PKN3: variants seen among roughly 807,000 people sequenced by gnomAD.
The protein encoded by PKN3 is protein kinase N3, also known as serine/threonine-protein kinase N3.
A neutral mutation model predicts 113.1 loss-of-function variants in PKN3; 91 were observed. That is an observed-to-expected ratio of 0.80 (90% CI 0.68 to 0.96). The LOEUF (loss-of-function observed/expected upper bound fraction) is 0.96. Among genes scored for constraint, PKN3 ranks in the 40% least tolerant of loss-of-function variants. PKN3 has a pLI of 0.00. For synonymous variants in PKN3, 467 were observed against 499.0 expected (o/e 0.94, Z 0.85); for missense variants, 1,052 against 1,202.2 (o/e 0.88, Z 1.85).
At position 128,707,270 on chromosome 9, in the gene PKN3, C is replaced by T; in HGVS notation, c.700C>T (p.Leu234=). The change falls in exon 6 of 22, where the codon CTG becomes TTG. Residue 234 remains leucine, a synonymous_variant. Transcript: ENST00000291906. ...ESSQKLDLLR[L]ALEQLLEQLP... is the part of the protein sequence containing the mutation. ...CTCTCAGAAACTGGACCTCCTGCGCCTGGCCTTGGAGCAGCTGCTGGAGCA... is the reference window on the plus strand; with the variant it reads ...CTCTCAGAAACTGGACCTCCTGCGCTTGGCCTTGGAGCAGCTGCTGGAGCA... The T allele has an allele frequency of 6.2e-7, 1 of 1,613,128 alleles. No homozygotes were observed. The highest frequency in any genetic ancestry group is 8.5e-7 in the Non-Finnish European group (1 of 1,179,336).
In PKN3 at chr9:128,714,905, C is replaced by T. The variant is rs116100342; in HGVS notation, c.1652+40C>T. On this transcript the variant is annotated intron_variant, in intron 13 of 21. Coordinates refer to ENST00000291906, the MANE Select transcript of PKN3 (RefSeq NM_013355.5). The stretch of plus-strand genomic sequence containing the variant: ...GCACCTTCATGTTTGAGACGTTCGT[C>T]TGCTTGCTTGAACATTTGTGTATCC... 849 of 1,576,254 alleles carry T rather than the reference C, an allele frequency of 5.4e-4. 6 individuals are homozygous for T. In the African/African-American group the frequency reaches 0.01, roughly 19 times the overall value.
At position 128,715,315 on chromosome 9, in the gene PKN3, G is replaced by A. The variant is rs1016826012; in HGVS notation, c.1717-54G>A. Reference sequence around the variant, plus strand: ...CCGGGAGGACCTGATCTGTGGGGGCGGTAAAGGCTCCCTGGTCTGGCCCAC... The same window carrying A: ...CCGGGAGGACCTGATCTGTGGGGGCAGTAAAGGCTCCCTGGTCTGGCCCAC... On this transcript the variant is annotated intron_variant, in intron 14 of 21. Coordinates refer to ENST00000291906, the MANE Select transcript of PKN3 (RefSeq NM_013355.5). This position sits in a 1 kb window ranked among gnomAD's most constrained non-coding sequence, Gnocchi z 4.1. 4.4e-5 allele frequency: 70 copies of A among 1,604,098 alleles called. No homozygotes were observed. In the Admixed American group the frequency reaches 6.8e-4, roughly 16 times the overall value.
Position 128,713,557 on chromosome 9 carries a change from C to G in PKN3, c.1151C>G (p.Ala384Gly). The change falls in exon 9 of 22, where the codon GCC (alanine) becomes GGC (glycine). Residue 384 changes from alanine to glycine, a missense_variant. Ala to Gly is a moderately conservative substitution (Grantham distance 60, BLOSUM62 0). Coordinates refer to ENST00000291906, the MANE Select transcript of PKN3 (RefSeq NM_013355.5). ...GACTGGCGGCAGCTATGTGGCGTGG[C>G]CTTCCTGAGACTTGAGGACTTCCTG... ...WRDWRQLCGV[A>G]FLRLEDFLDN... 1.2e-6 allele frequency: 2 copies of G among 1,613,852 alleles called. No individual in the cohort carries two copies. The highest frequency in any genetic ancestry group is 1.7e-6 in the Non-Finnish European group (2 of 1,179,978).
chr9:128,715,407 C>A lies in PKN3; in HGVS notation c.1755C>A (p.Tyr585Ter). 1.2e-6 allele frequency: 2 copies of A among 1,614,044 alleles called. No individual in the cohort carries two copies. Among genetic ancestry groups the A allele is most frequent in the Non-Finnish European group, 8.5e-7 (1 of 1,180,002 alleles). The change falls in exon 15 of 22, where the codon TAC (tyrosine) becomes TAA (stop). Residue 585 changes from tyrosine to a stop codon, truncating the protein, a stop_gained. Coordinates refer to ENST00000291906, the MANE Select transcript of PKN3 (RefSeq NM_013355.5). LOFTEE classifies it high-confidence loss of function. This position sits in a 1 kb window ranked among gnomAD's most constrained non-coding sequence, Gnocchi z 4.1. The part of the protein sequence containing the change: ...LVQFKGTGKY[Y>*]AIKALKKQEV... ...AGTTCAAGGGGACAGGGAAATACTA[C>A]GCCATCAAAGCACTGAAGAAGCAGG...
At position 128,714,384 on chromosome 9, in the gene PKN3, C is replaced by T. The variant is rs770548021; in HGVS notation, c.1481+19C>T. The T allele has an allele frequency of 1.3e-5, 20 of 1,592,044 alleles. No individual in the cohort carries two copies. In the Admixed American group the frequency reaches 3.5e-4, roughly 28 times the overall value. ...CTCCCAGGTGAGGAGCTCCCTTGCC[C>T]TAGACTGCATGCTCCTCTGTGGCGG... On this transcript the variant is annotated intron_variant, in intron 11 of 21. Coordinates refer to ENST00000291906, the MANE Select transcript of PKN3 (RefSeq NM_013355.5).
chr9:128,717,329 T>C (rs1402464589), intron 16 of PKN3, among the ~76,000 whole-genome samples: 2 of 151,012 alleles, frequency 1.3e-5, no homozygotes, highest in East Asian at 2.0e-4. Flanking sequence ...GGTTTCTCCA[T>C]GTTGGTCAGG....
chr9:128,718,191 T>C (rs1019237819), intron 16 of PKN3, 134 bp from the exon 17 acceptor site: 4 of 736,532 alleles, frequency 5.4e-6, no homozygotes, highest in African/African-American at 1.7e-5. Flanking sequence ...GCATGATGCT[T>C]GTCCCAGTCT....
At chr9:128,716,722 C>CTA in intron 15 of PKN3, 25 bp from the exon 16 acceptor site, 1 of 1,606,816 alleles carries the variant, frequency 6.2e-7, no homozygotes, top group Non-Finnish European at 8.5e-7. Context: ...TTCCTTCCCT[C>CTA]TAATACTCTT....
rs60978469 is a variant in PKN3, at chr9:128,713,630, G to A, written c.1224G>A (p.Leu408=). 1.4e-3 allele frequency: 2,185 copies of A among 1,613,628 alleles called. 13 individuals carry two copies. The East Asian group carries it at 0.014, about 10-fold the overall frequency. ...CCCTCAGCCTGGTACCGCAGGGACT[G>A]CTTTTTGCCCAGGTGCTCACCACCT... is the stretch of plus-strand genomic sequence containing the variant. ...QLSLSLVPQG[L]LFAQVTFCDP... is the part of the protein sequence containing the mutation. The change falls in exon 9 of 22, where the codon CTG becomes CTA. Residue 408 remains leucine (L), a synonymous_variant. Transcript: ENST00000291906.
At chr9:128,712,938 G>T in intron 6 of PKN3, 114 bp from the exon 7 acceptor site, 2 of 1,166,760 alleles carry the variant, frequency 1.7e-6, no homozygotes, top group Admixed American at 4.4e-5. Flanking sequence ...GGTGGGTACG[G>T]TCTGGGTTCA....
rs751000614 is a variant in PKN3 at position 128,714,067 on chromosome 9, A to C, written c.1258A>C (p.Ile420Leu). 21 of 1,614,092 alleles carry C rather than the reference A, an allele frequency of 1.3e-5. No homozygotes were observed. The South Asian group carries it at 2.3e-4, about 18-fold the overall frequency. ...FAQVTFCDPV[I>L]ERRPRLQRQE... ...GCAGGTGACCTTCTGCGATCCTGTCATTGAGAGGCGGCCCCGGCTGCAGAG... is the reference window on the plus strand; with the variant it reads ...GCAGGTGACCTTCTGCGATCCTGTCCTTGAGAGGCGGCCCCGGCTGCAGAG... The change falls in exon 10 of 22, where the codon ATT (isoleucine) becomes CTT (leucine). Residue 420 changes from isoleucine to leucine, a missense_variant. Physicochemically the swap from Ile to Leu is conservative, Grantham distance 5. Coordinates refer to ENST00000291906, the MANE Select transcript of PKN3 (RefSeq NM_013355.5).
Position 128,720,455 on chromosome 9 carries a change from G to A in PKN3, c.2519G>A (p.Cys840Tyr), listed in dbSNP as rs1033579987. 5 of 1,613,064 alleles carry A rather than the reference G, an allele frequency of 3.1e-6. No individual in the cohort carries two copies. The African/African-American group carries it at 5.3e-5, about 17-fold the overall frequency. The change falls in exon 22 of 22, where the codon TGT becomes TAT. Residue 840 changes from cysteine to tyrosine, a missense_variant. Physicochemically the swap from Cys to Tyr is radical, Grantham distance 194 (BLOSUM62 -2). Around this residue, in one of 2 missense-constraint regions of PKN3, gnomAD observed 333 missense variants for 442.8 expected, o/e 0.75. Transcript: ENST00000291906. This position sits in a 1 kb window ranked among gnomAD's most constrained non-coding sequence, Gnocchi z 5.5. ...CAGCCCCCCTTCGTGCCTACCCTGTGTGGCCCTGCGGACCTGCGCTACTTT... is the reference window on the plus strand; with the variant it reads ...CAGCCCCCCTTCGTGCCTACCCTGTATGGCCCTGCGGACCTGCGCTACTTT... Reference protein sequence around the residue: ...TIQPPFVPTLCGPADLRYFEG... With the variant: ...TIQPPFVPTLYGPADLRYFEG...
chr9:128,718,745 C>A, intron 18 of PKN3, 120 bp downstream of exon 18: 1 of 881,706 alleles, frequency 1.1e-6, no homozygotes. Context: ...CTGGTTCCAC[C>A]ACCCCAGACC....
intron 1 of PKN3, chr9:128,703,876 G>A (rs1261485252): frequency 9.1e-6 from 9 of 985,352 alleles, no homozygotes; most frequent in Non-Finnish European, 2.4e-6. Flanking sequence ...ATTTCCTGCG[G>A]GGCTCCGCCC....
intron 17 of PKN3, 25 bp downstream of exon 17, chr9:128,718,412 GGGGGTA>G (rs1564377930): frequency 6.9e-6 from 11 of 1,595,682 alleles, no homozygotes; most frequent in South Asian, 3.3e-5. Flanking sequence ...AGGGATGCAC[GGGGGTA>G]GGGGTGGGGG....
intron 6 of PKN3, among the ~76,000 whole-genome samples, chr9:128,709,119 A>G (rs1862105278): frequency 6.6e-6 from 1 of 150,704 alleles, no homozygotes; most frequent in South Asian, 2.1e-4. Context: ...CCCTGTCTCC[A>G]CTAAAAATAC....
At position 128,711,162 on chromosome 9, in the gene PKN3, C is replaced by T. The variant is rs564305313; in HGVS notation, c.836-1890C>T. 5.9e-5 allele frequency among the ~76,000 whole-genome samples: 9 copies of T among 151,922 alleles called. No individual in the cohort carries two copies. In the East Asian group the frequency reaches 1.6e-3, roughly 26 times the overall value. On this transcript the variant is annotated intron_variant, in intron 6 of 21. Coordinates refer to ENST00000291906, the MANE Select transcript of PKN3 (RefSeq NM_013355.5). ...CTGGGATTACAGGCATGTACCACCACACCTGGCGAATTTTTATATTTTCAG... is the reference window on the plus strand; with the variant it reads ...CTGGGATTACAGGCATGTACCACCATACCTGGCGAATTTTTATATTTTCAG...
chr9:128,712,727 A>G (rs1862214855), intron 6 of PKN3, among the ~76,000 whole-genome samples: 1 of 152,178 alleles, frequency 6.6e-6, no homozygotes, highest in Admixed American at 6.5e-5. Flanking sequence ...GCTGCCACAG[A>G]GAAGTGTGCA....
chr9:128,706,809 G>A lies in PKN3; in HGVS notation c.508G>A (p.Gly170Arg). Residue 170 changes from glycine to arginine, a missense_variant, in exon 4 of 22, where the codon GGG becomes AGG. By Grantham distance (125) the Gly-to-Arg change is moderately radical (BLOSUM62 -2). This residue lies in a region of PKN3 where 719 missense variants were observed against 759.4 expected (regional missense o/e 0.95). Coordinates refer to ENST00000291906, the MANE Select transcript of PKN3 (RefSeq NM_013355.5). ...RMKISSLEAS[G>R]SPEPGPELLA... The stretch of plus-strand genomic sequence containing the variant: ...GAAGATCAGCAGCCTGGAGGCCAGT[G>A]GGTCCCCGGAGCCAGGTGAGGCCTT... 2 of 1,610,590 alleles carry A rather than the reference G, an allele frequency of 1.2e-6. No homozygotes were observed. Among genetic ancestry groups the A allele is most frequent in the African/African-American group, 2.7e-5 (2 of 75,026 alleles).
Sources: gnomAD v4.1 joint callset for allele counts (sites outside exome capture counted in the v4.1 genomes callset) on GRCh38, gnomAD v4.1.1 for gene constraint, gnomAD v4.1.1 regional missense constraint, Gnocchi (gnomAD v3.1) non-coding constraint, MANE v1.5 for transcripts, NCBI Gene and HGNC (gene_info 2026-07-23, HGNC 2026-07-21) for gene names.